Variants in MTA3 observed in about 807,000 individuals in gnomAD.
MTA3 encodes the protein metastasis-associated protein MTA3.
In MTA3, 34 loss-of-function variants were observed where a neutral mutation model predicts 83.5. The ratio of observed to expected loss-of-function variants is 0.41; its 90% CI spans 0.31 to 0.54. The LOEUF is 0.54. Among genes scored for constraint, MTA3 ranks in the 20% least tolerant of loss-of-function variants. The probability of loss-of-function intolerance (pLI) is 0.33; values close to 1 mark genes in which losing one functional copy is unlikely to be tolerated. For synonymous variants in MTA3, 303 were observed against 252.7 expected, an observed-to-expected ratio of 1.20 and a Z score of -1.89; for missense variants, 761 against 726.4, an observed-to-expected ratio of 1.05 and a Z score of -0.55.
At chr2:42,529,885 C>CTT (rs1294768182) in intron 2 of MTA3, among the ~76,000 whole-genome samples, 4 of 152,184 alleles carry the variant, frequency 2.6e-5, no homozygotes, top group Non-Finnish European at 5.9e-5. Flanking sequence ...GAGGCAAAAA[C>CTT]TTCTCATTAA....
intron 2 of MTA3, among the ~76,000 whole-genome samples, chr2:42,513,731 T>C (rs1403349729): frequency 6.6e-6 from 1 of 152,290 alleles, no homozygotes; most frequent in South Asian, 2.1e-4. Flanking sequence ...CTGGACTCAG[T>C]GAGCCGGGAA....
chr2:42,637,690 A>T (rs975505490), intron 4 of MTA3, among the ~76,000 whole-genome samples: 1 of 152,204 alleles, frequency 6.6e-6, no homozygotes, highest in African/African-American at 2.4e-5. Context: ...GATGTACAAT[A>T]TAGCTATATT....
chr2:42,667,874 G>A (rs967487064), intron 8 of MTA3, among the ~76,000 whole-genome samples: 4 of 152,132 alleles, frequency 2.6e-5, no homozygotes, highest in African/African-American at 9.7e-5. Context: ...GGCCACTTGA[G>A]TTGCCTCTAT....
chr2:42,649,746 C>G (rs1425776465), intron 6 of MTA3, among the ~76,000 whole-genome samples: 1 of 152,118 alleles, frequency 6.6e-6, no homozygotes, highest in Admixed American at 6.6e-5. Flanking sequence ...TTATGGGAAG[C>G]TTTGAGTTAC....
intron 2 of MTA3, among the ~76,000 whole-genome samples, chr2:42,573,520 G>C (rs968827147): frequency 2.6e-5 from 4 of 151,538 alleles, no homozygotes; most frequent in African/African-American, 9.7e-5. Context: ...CTAATTTTTT[G>C]TTGTTGTTGC....
intron 16 of MTA3, among the ~76,000 whole-genome samples, chr2:42,724,382 G>C (rs1048563345): frequency 6.8e-6 from 1 of 147,620 alleles, no homozygotes; most frequent in African/African-American, 2.5e-5. Flanking sequence ...AGGTCCAGTG[G>C]CTTATGCTTG....
chr2:42,684,808 C>CA (rs538014073), intron 9 of MTA3, among the ~76,000 whole-genome samples: 20 of 152,234 alleles, frequency 1.3e-4, no homozygotes, highest in African/African-American at 4.8e-4. Context: ...GCCAGGCTTG[C>CA]AAAAAGGCAC....
At chr2:42,607,494 A>G (rs1048442517) in intron 3 of MTA3, among the ~76,000 whole-genome samples, 2 of 151,784 alleles carry the variant, frequency 1.3e-5, no homozygotes, top group African/African-American at 2.4e-5. Context: ...ATCCTCCTAC[A>G]TCAGTCTCTG....
At chr2:42,620,119 C>CTTTT (rs765658192) in intron 4 of MTA3, among the ~76,000 whole-genome samples, 3 of 134,896 alleles carry the variant, frequency 2.2e-5, no homozygotes, top group Admixed American at 7.6e-5. Flanking sequence ...CATCACACAT[C>CTTTT]TTTTTTTTTT....
chr2:42,741,641 G>A (rs1669035845), intron 16 of MTA3, among the ~76,000 whole-genome samples: 1 of 152,160 alleles, frequency 6.6e-6, no homozygotes, highest in African/African-American at 2.4e-5. Context: ...GACAGTCACT[G>A]GAGCAGTCAG....
rs1347935566 is a variant in MTA3 at position 42,647,549 on chromosome 2, C to T, written c.499+3305C>T. ...CCCACCTGCCTCCCACCCCGCCTCCCACTGCCAGCAGTCTTGGAATGTTTT... is the reference window on the plus strand; with the variant it reads ...CCCACCTGCCTCCCACCCCGCCTCCTACTGCCAGCAGTCTTGGAATGTTTT... On this transcript the variant is annotated intron_variant, in intron 6 of 16. Coordinates refer to ENST00000405094, the MANE Select transcript of MTA3 (RefSeq NM_001330442.2). Among the ~76,000 whole-genome samples the T allele has an allele frequency of 2.6e-5, 4 of 151,492 alleles. No homozygotes were observed. In the East Asian group the frequency reaches 5.9e-4, roughly 22 times the overall value.
At chr2:42,662,553 A>G (rs923358558) in intron 8 of MTA3, among the ~76,000 whole-genome samples, 2 of 151,694 alleles carry the variant, frequency 1.3e-5, no homozygotes, top group African/African-American at 4.8e-5. Context: ...TCCTAGATAT[A>G]CTTAGGCCTG....
In MTA3 at chr2:42,708,854, G is replaced by T. The variant is rs1225456323; in HGVS notation, c.1303-20G>T. 3.1e-6 allele frequency: 5 copies of T among 1,613,186 alleles called. No individual in the cohort carries two copies. The highest frequency in any genetic ancestry group is 2.5e-6 in the Non-Finnish European group (3 of 1,179,472). ...GGCAAGTTCACTTCCTTGAGTGTTT[G>T]TTGTTTTCTGATTTTGCAGGACCCT... On this transcript the variant is annotated intron_variant, in intron 13 of 16. Coordinates refer to ENST00000405094, the MANE Select transcript of MTA3 (RefSeq NM_001330442.2).
At chr2:42,716,624 C>T (rs1241927884) in intron 14 of MTA3, among the ~76,000 whole-genome samples, 1 of 152,148 alleles carries the variant, frequency 6.6e-6, no homozygotes, top group African/African-American at 2.4e-5. Context: ...GGATAGTGGC[C>T]TCCAGCTCCA....
chr2:42,745,832 T>TTTTTTTTTTTTTTTTTTTTTTTA (rs70963350), intron 16 of MTA3, among the ~76,000 whole-genome samples: 1 of 149,500 alleles, frequency 6.7e-6, no homozygotes, highest in Non-Finnish European at 1.5e-5. Context: ...CTCTTTTTTT[T>TTTTTTTTTTTTTTTTTTTTTTTA]GAGACAGAGT....
Position 42,548,859 on chromosome 2 carries a change from AAT to A in MTA3, c.-140-21562_-140-21561del, listed in dbSNP as rs1221729118. On this transcript the variant is annotated intron_variant, in intron 2 of 17. Transcript: ENST00000405592. ...ATATATATATATAATATATATATAT[AAT>A]ATATATATATATATAATATATATAT... is the stretch of plus-strand genomic sequence containing the variant. Among the ~76,000 whole-genome samples, 78 of 21,878 alleles carry A rather than the reference AAT, an allele frequency of 3.6e-3. 1 individual carries two copies. Among genetic ancestry groups the A allele is most frequent in the Middle Eastern group, 0.062 (2 of 32 alleles). The allele number at this position is 21,878 out of a possible 152,430, so 14.4% of individuals were successfully genotyped here.
intron 3 of MTA3, among the ~76,000 whole-genome samples, chr2:42,608,379 G>A (rs185294597): frequency 6.6e-5 from 10 of 152,158 alleles, no homozygotes; most frequent in Non-Finnish European, 1.0e-4. Flanking sequence ...TTCTCTTTGA[G>A]TAGTTCATTA....
At position 42,649,444 on chromosome 2, in the gene MTA3, A is replaced by G. The variant is rs144822743; in HGVS notation, c.499+5200A>G. On this transcript the variant is annotated intron_variant, in intron 6 of 16. Transcript: ENST00000405094. ...AAAAAAAGCTGTTATCACCAGTCAC[A>G]CTCTTTGAGTGTTAAAGAATTAAAA... Among the ~76,000 whole-genome samples, 1,126 of 151,896 alleles carry G rather than the reference A, an allele frequency of 7.4e-3. 8 individuals are homozygous for G. Among genetic ancestry groups the G allele is most frequent in the South Asian group, 0.018 (88 of 4,794 alleles).
chr2:42,506,816 A>G (rs1431446450), intron 2 of MTA3, among the ~76,000 whole-genome samples: 2 of 151,918 alleles, frequency 1.3e-5, no homozygotes, highest in African/African-American at 4.8e-5. Context: ...CATGTTGGCC[A>G]GGCTGGTCTC....
Sources: gnomAD v4.1 joint callset for allele counts (sites outside exome capture counted in the v4.1 genomes callset) on GRCh38, gnomAD v4.1.1 for gene constraint, MANE v1.5 for transcripts, NCBI Gene and HGNC (gene_info 2026-07-23, HGNC 2026-07-21) for gene names.